Variants in ANKRD6 observed in about 807,000 individuals in gnomAD.
ANKRD6 encodes ankyrin repeat domain 6.
Under a neutral mutation model 82.3 loss-of-function variants are expected in ANKRD6, and 56 were observed. That is an observed-to-expected ratio of 0.68 (90% CI 0.55 to 0.85). The LOEUF is 0.85. ANKRD6 is among the 40% of genes least tolerant of loss of function. The pLI, the probability that ANKRD6 is intolerant of heterozygous loss-of-function variation, is 0.00. For missense variants in ANKRD6, 852 were observed against 907.6 expected (o/e 0.94, Z 0.79); for synonymous variants, 347 against 352.1 (o/e 0.99, Z 0.16).
At chr6:89,617,313 C>A (rs774436446) in intron 8 of ANKRD6, among the ~76,000 whole-genome samples, 1 of 152,166 alleles carries the variant, frequency 6.6e-6, no homozygotes, top group Non-Finnish European at 1.5e-5. Flanking sequence ...TCTAGCTCCC[C>A]TCTTTCTCCT....
intron 2 of ANKRD6, among the ~76,000 whole-genome samples, chr6:89,593,174 T>G (rs1795229327): frequency 6.6e-6 from 1 of 152,228 alleles, no homozygotes; most frequent in East Asian, 1.9e-4. Flanking sequence ...CCAGAAGCAC[T>G]TGTGTCCCAC....
intron 3 of ANKRD6, among the ~76,000 whole-genome samples, chr6:89,598,997 G>A (rs557467867): frequency 2.0e-5 from 3 of 152,266 alleles, no homozygotes; most frequent in Admixed American, 1.3e-4. Flanking sequence ...GTCCAAGCAT[G>A]CTGTCCTAGG....
At chr6:89,514,196 G>A (rs576190143) in intron 1 of ANKRD6, among the ~76,000 whole-genome samples, 4 of 152,286 alleles carry the variant, frequency 2.6e-5, no homozygotes, top group African/African-American at 9.6e-5. Flanking sequence ...TGGCCAACAT[G>A]GTGAAACCCA....
At chr6:89,455,944 G>T (rs1003739384) in intron 1 of ANKRD6, among the ~76,000 whole-genome samples, 2 of 151,782 alleles carry the variant, frequency 1.3e-5, no homozygotes, top group Non-Finnish European at 2.9e-5. Flanking sequence ...TGCAATCTTG[G>T]CTCACTGCAA....
chr6:89,590,365 A>T (rs930408232), intron 2 of ANKRD6, among the ~76,000 whole-genome samples: 4 of 152,122 alleles, frequency 2.6e-5, no homozygotes, highest in Non-Finnish European at 5.9e-5. Flanking sequence ...AAGGTCACAC[A>T]TTAGAGTCAC....
At chr6:89,612,589 C>T (rs1338098718) in intron 6 of ANKRD6, among the ~76,000 whole-genome samples, 5 of 152,238 alleles carry the variant, frequency 3.3e-5, no homozygotes, top group Non-Finnish European at 7.3e-5. Flanking sequence ...TTTCTCCCAT[C>T]ATTTTCCCTT....
Position 89,629,134 on chromosome 6 carries a change from A to AAGATTCATGTTT in ANKRD6, c.1509_1510insGATTCATGTTTA (p.Lys503_Thr504insAspSerCysLeu), listed in dbSNP as rs774899559. The AAGATTCATGTTT allele has an allele frequency of 6.2e-7, 1 of 1,613,794 alleles. No homozygotes were observed. ...AAGATATCCTTGGTGGATGAATTAA[A>AAGATTCATGTTT]AACCTGGTGCATGTTAAAGATTCAG... On this transcript the variant is annotated inframe_insertion, in exon 15 of 16. Coordinates refer to ENST00000339746, the MANE Select transcript of ANKRD6 (RefSeq NM_001242809.2).
rs1792229015 is a variant in ANKRD6 at position 89,580,361 on chromosome 6, A to C, written c.120+13265A>C. On this transcript the variant is annotated intron_variant, in intron 2 of 15. Transcript: ENST00000339746. ...CCCATGCTGGTAACTACTGTACTCC[A>C]ATATGAACTTTAAACTTTTAAAAAG... Among the ~76,000 whole-genome samples the C allele has an allele frequency of 2.0e-5, 3 of 152,160 alleles. No individual in the cohort carries two copies. The South Asian group carries it at 6.2e-4, about 32-fold the overall frequency.
At chr6:89,578,271 TC>T (rs1329526593) in intron 2 of ANKRD6, among the ~76,000 whole-genome samples, 1 of 148,720 alleles carries the variant, frequency 6.7e-6, no homozygotes, top group Non-Finnish European at 1.5e-5. Context: ...ATTAGCTTTT[TC>T]CCCCTCCCGC....
Position 89,462,916 on chromosome 6 carries a change from C to T in ANKRD6, c.-144+29541C>T, listed in dbSNP as rs536126685. Among the ~76,000 whole-genome samples, 12 of 150,816 alleles carry T rather than the reference C, an allele frequency of 8.0e-5. No homozygotes were observed. In the South Asian group the frequency reaches 2.5e-3, roughly 32 times the overall value. On this transcript the variant is annotated intron_variant, in intron 1 of 15. Coordinates refer to ENST00000339746, the MANE Select transcript of ANKRD6 (RefSeq NM_001242809.2). ...ACAAGGTATTAGTCTGTTACCCAGC[C>T]TGAAATGCAGTGGTGCTATCAGAGC...
intron 1 of ANKRD6, among the ~76,000 whole-genome samples, chr6:89,470,617 A>G (rs1775328308): frequency 6.6e-6 from 1 of 150,548 alleles, no homozygotes. Context: ...CCCTGCCTCA[A>G]TAATAATAAT....
At chr6:89,437,792 C>T (rs537498891) in intron 1 of ANKRD6, among the ~76,000 whole-genome samples, 6 of 152,206 alleles carry the variant, frequency 3.9e-5, no homozygotes, top group Admixed American at 2.6e-4. Flanking sequence ...AGACTGGTTT[C>T]ATTTTATTTT....
chr6:89,559,608 A>G (rs971888530), intron 1 of ANKRD6, among the ~76,000 whole-genome samples: 8 of 152,206 alleles, frequency 5.3e-5, no homozygotes, highest in African/African-American at 1.9e-4. Context: ...TGCTGTGTTA[A>G]TTATTTTGAT....
chr6:89,582,780 T>G (rs961574677), intron 2 of ANKRD6, among the ~76,000 whole-genome samples: 21 of 152,198 alleles, frequency 1.4e-4, no homozygotes, highest in African/African-American at 4.8e-4. Context: ...CCCAAGTTAT[T>G]AGCCTCCTTG....
chr6:89,442,415 G>A (rs911879916), intron 1 of ANKRD6, among the ~76,000 whole-genome samples: 7 of 151,838 alleles, frequency 4.6e-5, no homozygotes, highest in Non-Finnish European at 7.4e-5. Flanking sequence ...CTTGAGCCTG[G>A]GAGTTCAAGA....
At chr6:89,616,446 T>A in intron 7 of ANKRD6, 113 bp from the exon 8 acceptor site, 1 of 945,012 alleles carries the variant, frequency 1.1e-6, no homozygotes, top group Non-Finnish European at 1.7e-6. Flanking sequence ...CATTTCAGTC[T>A]CAGGCAAATC....
At chr6:89,575,327 G>C (rs568021704) in intron 2 of ANKRD6, among the ~76,000 whole-genome samples, 14 of 152,288 alleles carry the variant, frequency 9.2e-5, no homozygotes, top group Admixed American at 4.6e-4. Context: ...AGTTTCTATG[G>C]TTAGCCTCTG....
chr6:89,557,511 G>A (rs910103910), intron 1 of ANKRD6, among the ~76,000 whole-genome samples: 1 of 152,192 alleles, frequency 6.6e-6, no homozygotes, highest in African/African-American at 2.4e-5. Context: ...GTGCAACAGA[G>A]AAATCATGTA....
chr6:89,484,993 G>A (rs972032629), intron 1 of ANKRD6, among the ~76,000 whole-genome samples: 1 of 152,138 alleles, frequency 6.6e-6, no homozygotes, highest in Non-Finnish European at 1.5e-5. Context: ...AGGGGCCCTT[G>A]GAAATGTTGA....
Sources: gnomAD v4.1 joint callset for allele counts (sites outside exome capture counted in the v4.1 genomes callset) on GRCh38, gnomAD v4.1.1 for gene constraint, MANE v1.5 for transcripts, NCBI Gene and HGNC (gene_info 2026-07-23, HGNC 2026-07-21) for gene names.